VIPR1: variants seen among roughly 807,000 people sequenced by gnomAD.
VIPR1 encodes vasoactive intestinal polypeptide receptor 1.
A neutral mutation model predicts 58.8 loss-of-function variants in VIPR1; 59 were observed. That is an observed-to-expected ratio of 1.00 (90% CI 0.81 to 1.25). The LOEUF (loss-of-function observed/expected upper bound fraction) is 1.25, where lower values mean the gene tolerates loss of function less well. Among genes scored for constraint, VIPR1 ranks in the 50% most tolerant of loss-of-function variants. VIPR1 has a pLI of 0.00. For missense variants in VIPR1, 626 were observed against 602.7 expected (o/e 1.04, Z -0.40); for synonymous variants, 251 against 242.1 (o/e 1.04, Z -0.34).
chr3:42,525,772 C>T (rs553429922), intron 3 of VIPR1, 115 bp from the exon 4 acceptor site: 40 of 1,115,192 alleles, frequency 3.6e-5, no homozygotes, highest in East Asian at 7.9e-5. Flanking sequence ...TGGAACCTGA[C>T]AGCACCAGGG....
At chr3:42,498,852 A>G (rs1403861923), upstream of VIPR1, among the ~76,000 whole-genome samples, 2 of 152,178 alleles carry the variant, frequency 1.3e-5, no homozygotes, top group Non-Finnish European at 2.9e-5. Context: ...TATTCACTGC[A>G]TGCTGTTATG....
chr3:42,537,537 C>G lies in VIPR1; in HGVS notation c.*1256C>G, dbSNP rs1054084631. 6.6e-6 allele frequency: 1 copy of G among 152,176 alleles called. No homozygotes were observed. The highest frequency in any genetic ancestry group is 1.5e-5 in the Non-Finnish European group (1 of 68,012). The allele number at this position is 152,176 out of a possible 1,614,324, so 9.4% of individuals were successfully genotyped here. On this transcript the variant is annotated 3_prime_UTR_variant, in exon 13 of 13. Coordinates refer to ENST00000325123, the MANE Select transcript of VIPR1 (RefSeq NM_004624.4). ...CCAGAAGATCCCCTCAGGACTGCAA[C>G]AGGCTTGTGCAACAATAAATGTTGG... is the stretch of plus-strand genomic sequence containing the variant.
At chr3:42,510,884 T>C (rs1700331297) in intron 1 of VIPR1, among the ~76,000 whole-genome samples, 1 of 152,004 alleles carries the variant, frequency 6.6e-6, no homozygotes, top group African/African-American at 2.4e-5. Context: ...CCAACACTCT[T>C]CTACCCTCAG....
chr3:42,507,188 C>A (rs899226127), intron 1 of VIPR1: 6 of 152,182 alleles, frequency 3.9e-5, no homozygotes, highest in African/African-American at 1.4e-4. Flanking sequence ...ATTCAAATAT[C>A]CCCAGCCGGA....
At chr3:42,528,198 C>G in intron 6 of VIPR1, 75 bp downstream of exon 6, 1 of 1,541,466 alleles carries the variant, frequency 6.5e-7, no homozygotes, top group East Asian at 2.3e-5. Flanking sequence ...CTCTTCTCCC[C>G]CTGCTTCTCC....
rs779447235 is a variant in VIPR1 at position 42,536,152 on chromosome 3, C to G, written c.1245C>G (p.Asn415Lys). 2.4e-5 allele frequency: 39 copies of G among 1,608,026 alleles called. No individual in the cohort carries two copies. The highest frequency in any genetic ancestry group is 3.1e-5 in the Non-Finnish European group (37 of 1,177,856). ...RWHLQGVLGW[N>K]PKYRHPSGGS... ...ACCTGCAGGGCGTCCTGGGCTGGAA[C>G]CCCAAATACCGGCACCCGTCGGGAG... The change falls in exon 13 of 13, where the codon AAC (asparagine) becomes AAG (lysine). Residue 415 changes from asparagine to lysine, a missense_variant. Transcript: ENST00000325123.
chr3:42,525,700 G>A (rs755413027), intron 3 of VIPR1, among the ~76,000 whole-genome samples, 187 bp from the exon 4 acceptor site: 1 of 152,212 alleles, frequency 6.6e-6, no homozygotes, highest in Non-Finnish European at 1.5e-5. Flanking sequence ...CGGGAGCCCT[G>A]AAGAGGCTTC....
chr3:42,521,484 T>A (rs1700914273), intron 3 of VIPR1: 1 of 152,136 alleles, frequency 6.6e-6, no homozygotes, highest in South Asian at 2.1e-4. Flanking sequence ...GACCTGAAAT[T>A]CCAAAGAGGG....
chr3:42,532,326 C>G lies in VIPR1; in HGVS notation c.1003C>G (p.Pro335Ala). Reference sequence around the variant, plus strand: ...AGATATCAGGAAGAGTGACAGCAGTCCATACTCGTGAGTGTGGGCCTAGTG... The same window carrying G: ...AGATATCAGGAAGAGTGACAGCAGTGCATACTCGTGAGTGTGGGCCTAGTG... The part of the protein sequence containing the change: ...PPDIRKSDSS[P>A]YSRLARSTLL... The change falls in exon 10 of 13, where the codon CCA becomes GCA. Residue 335 changes from proline (P) to alanine (A), a missense_variant. Coordinates refer to ENST00000325123, the MANE Select transcript of VIPR1 (RefSeq NM_004624.4). 1 of 1,614,096 alleles carries G rather than the reference C, an allele frequency of 6.2e-7. No individual in the cohort carries two copies. The highest frequency in any genetic ancestry group is 8.5e-7 in the Non-Finnish European group (1 of 1,179,964).
At chr3:42,529,067 A>G (rs1701387591) in intron 6 of VIPR1, among the ~76,000 whole-genome samples, 1 of 152,210 alleles carries the variant, frequency 6.6e-6, no homozygotes, top group African/African-American at 2.4e-5. Flanking sequence ...TCCTGTGCAC[A>G]TGTTACGGAT....
rs1458545318 is a variant in VIPR1 at position 42,527,334 on chromosome 3, A to C, written c.400-59A>C. On this transcript the variant is annotated intron_variant, in intron 4 of 12. Coordinates refer to ENST00000325123, the MANE Select transcript of VIPR1 (RefSeq NM_004624.4). ...TGTAGGGCACCCCACCCCTGCCAAT[A>C]CCCCCTAGATGAGCCTCCCACCCCA... The C allele has an allele frequency of 1.6e-5, 24 of 1,503,244 alleles. No homozygotes were observed. In the African/African-American group the frequency reaches 3.2e-4, roughly 20 times the overall value. 93.1% of individuals were successfully genotyped at this position (1,503,244 alleles called of 1,614,324 possible).
intron 6 of VIPR1, among the ~76,000 whole-genome samples, chr3:42,528,944 G>A (rs1701381824): frequency 6.6e-6 from 1 of 152,114 alleles, no homozygotes; most frequent in South Asian, 2.1e-4. Context: ...GAAAACCTAG[G>A]GGACCCACTT....
upstream of VIPR1, among the ~76,000 whole-genome samples, chr3:42,499,756 G>A (rs1478354841): frequency 1.3e-5 from 2 of 151,998 alleles, no homozygotes; most frequent in Non-Finnish European, 2.9e-5. Context: ...GTAGTCCGTC[G>A]GCCCCCCCTC....
chr3:42,532,151 C>A, intron 9 of VIPR1, 91 bp from the exon 10 acceptor site: 1 of 1,318,480 alleles, frequency 7.6e-7, no homozygotes, highest in Non-Finnish European at 1.1e-6. Context: ...GGCAGCAGGA[C>A]CCTGGGAAAG....
intron 3 of VIPR1, among the ~76,000 whole-genome samples, chr3:42,520,750 GT>G (rs1181493189): frequency 6.6e-6 from 1 of 152,140 alleles, no homozygotes; most frequent in African/African-American, 2.4e-5. Flanking sequence ...CTGGACCCCA[GT>G]TTCCCCGTTT....
chr3:42,526,352 G>C (rs886085300), intron 4 of VIPR1, among the ~76,000 whole-genome samples: 7 of 152,208 alleles, frequency 4.6e-5, no homozygotes, highest in Admixed American at 4.6e-4. Flanking sequence ...AGTTGCTGCA[G>C]GTCCTGGAAG....
intron 1 of VIPR1, 173 bp from the exon 2 acceptor site, chr3:42,513,576 G>T (rs1700468823): frequency 4.8e-6 from 3 of 627,840 alleles, no homozygotes; most frequent in Non-Finnish European, 8.1e-6. Context: ...AGGTTTGGGG[G>T]CAATGGACAA....
At chr3:42,501,727 C>A (rs890831234), upstream of VIPR1, among the ~76,000 whole-genome samples, 1 of 152,232 alleles carries the variant, frequency 6.6e-6, no homozygotes, top group African/African-American at 2.4e-5. The surrounding 1 kb of genome is among the most constrained non-coding windows in gnomAD (Gnocchi z 4.8). Flanking sequence ...CCTCTCTGGA[C>A]CCCAGTATCC....
intron 6 of VIPR1, chr3:42,529,796 C>T (rs1033244174): frequency 6.6e-6 from 1 of 152,194 alleles, no homozygotes; most frequent in Non-Finnish European, 1.5e-5. Flanking sequence ...GCCCAGAATA[C>T]CTTCCAGTCA....
Sources: allele counts gnomAD v4.1 joint callset (sites outside exome capture counted in the v4.1 genomes callset), GRCh38; gene constraint gnomAD v4.1.1; non-coding constraint Gnocchi (gnomAD v3.1); transcripts MANE v1.5; gene names NCBI Gene and HGNC (gene_info 2026-07-23, HGNC 2026-07-21).